CIBAR2: variants seen among roughly 807,000 people sequenced by gnomAD.
CIBAR2 encodes the protein CBY1 interacting BAR domain containing 2.
A neutral mutation model predicts 36.2 loss-of-function variants in CIBAR2; 38 were observed. That is an observed-to-expected ratio of 1.05 (90% CI 0.81 to 1.38). CIBAR2 has a LOEUF of 1.38. Ranked by LOEUF, CIBAR2 falls within the 40% of genes most tolerant of loss-of-function variation. The pLI is 0.00. For synonymous variants in CIBAR2, 182 were observed against 149.5 expected, an observed-to-expected ratio of 1.22 and a Z score of -1.58; for missense variants, 481 against 383.4, an observed-to-expected ratio of 1.25 and a Z score of -2.13.
chr16:85,108,696 A>G (rs2074017273), intron 2 of CIBAR2, among the ~76,000 whole-genome samples: 1 of 152,078 alleles, frequency 6.6e-6, no homozygotes, highest in South Asian at 2.1e-4. Flanking sequence ...AACATGGTGA[A>G]ACCCCGTCTC....
In CIBAR2 at chr16:85,100,725, A is replaced by G. The variant is rs780696654; in HGVS notation, c.652-485T>C. 6.6e-5 allele frequency among the ~76,000 whole-genome samples: 10 copies of G among 152,260 alleles called. No homozygotes were observed. In the East Asian group the frequency reaches 1.9e-3, roughly 29 times the overall value. On this transcript the variant is annotated intron_variant, in intron 7 of 8. Coordinates refer to ENST00000539556, the MANE Select transcript of CIBAR2 (RefSeq NM_198491.3). ...AACAAATGGAATATGGCAAAGCCAC[A>G]CTGGGTTACTGCTGAAGTTAGGTCA...
chr16:85,111,772 C>A (rs57979370), intron 1 of CIBAR2, among the ~76,000 whole-genome samples: 41,010 of 152,160 alleles, frequency 0.27, 5,945 homozygotes, highest in African/African-American at 0.38. Flanking sequence ...TGAGCCCAGG[C>A]GATGGAGGTT....
chr16:85,110,919 G>T (rs1250540660), intron 1 of CIBAR2, among the ~76,000 whole-genome samples: 2 of 152,088 alleles, frequency 1.3e-5, no homozygotes, highest in East Asian at 1.9e-4. Context: ...TGGCCAGGCT[G>T]GTCTTGAACT....
intron 8 of CIBAR2, among the ~76,000 whole-genome samples, chr16:85,099,797 C>CTTT (rs71386075): frequency 4.5e-4 from 35 of 77,466 alleles, no homozygotes; most frequent in Non-Finnish European, 6.6e-4. Flanking sequence ...CTAATTTTTG[C>CTTT]TTTTTTTTTT....
chr16:85,106,130 C>G (rs1352097183), intron 5 of CIBAR2, among the ~76,000 whole-genome samples: 1 of 152,212 alleles, frequency 6.6e-6, no homozygotes, highest in Non-Finnish European at 1.5e-5. Flanking sequence ...AAATAAATGG[C>G]TGCAGAGACG....
At chr16:85,101,817 C>T (rs967722418) in intron 7 of CIBAR2, among the ~76,000 whole-genome samples, 5 of 151,904 alleles carry the variant, frequency 3.3e-5, no homozygotes, top group Admixed American at 3.3e-4. Flanking sequence ...TTGCAGGTGC[C>T]CACCACCACG....
At chr16:85,107,157 G>C (rs191898538) in intron 5 of CIBAR2, among the ~76,000 whole-genome samples, 1 of 145,474 alleles carries the variant, frequency 6.9e-6, no homozygotes, top group East Asian at 2.0e-4. Context: ...TCAAAAAAAA[G>C]GGGGGGGGCA....
intron 5 of CIBAR2, among the ~76,000 whole-genome samples, chr16:85,105,866 GACGCTT>G (rs1190164130): frequency 6.6e-6 from 1 of 152,166 alleles, no homozygotes; most frequent in African/African-American, 2.4e-5. Flanking sequence ...AACATCTATA[GACGCTT>G]ACTCCATGCC....
At chr16:85,100,103 T>G in intron 8 of CIBAR2, 36 bp downstream of exon 8, 1 of 1,535,930 alleles carries the variant, frequency 6.5e-7, no homozygotes, top group Non-Finnish European at 8.9e-7. Flanking sequence ...GTGCACGACA[T>G]TTTAGGTGTA....
rs1381503733 is a variant in CIBAR2, at chr16:85,107,607, T to C, written c.432+60A>G. 4 of 1,588,346 alleles carry C rather than the reference T, an allele frequency of 2.5e-6. No individual in the cohort carries two copies. The Admixed American group carries it at 6.7e-5, about 26-fold the overall frequency. On this transcript the variant is annotated intron_variant, in intron 5 of 8. Transcript: ENST00000539556. ...AGGTAAAGTCTACCTGGCCGTTTTG[T>C]GAGGTCGTGTATTTCCTACGTGTGA...
Position 85,112,015 on chromosome 16 carries a change from C to A in CIBAR2, c.20+318G>T, listed in dbSNP as rs183815193. On this transcript the variant is annotated intron_variant, in intron 1 of 8. Coordinates refer to ENST00000539556, the MANE Select transcript of CIBAR2 (RefSeq NM_198491.3). Reference sequence around the variant, plus strand: ...ACTGGGTCCCCACAGAAGGGGGAGGCCTGGTTGGGGTTGAGGTGTGATGGG... The same window carrying A: ...ACTGGGTCCCCACAGAAGGGGGAGGACTGGTTGGGGTTGAGGTGTGATGGG... Among the ~76,000 whole-genome samples, 121 of 152,158 alleles carry A rather than the reference C, an allele frequency of 8.0e-4. 1 individual carries two copies. Among genetic ancestry groups the A allele is most frequent in the African/African-American group, 2.8e-3 (117 of 41,506 alleles).
chr16:85,109,349 G>C (rs552461297), intron 2 of CIBAR2, among the ~76,000 whole-genome samples: 6 of 152,116 alleles, frequency 3.9e-5, no homozygotes, highest in Non-Finnish European at 8.8e-5. Context: ...GGTTGTCAAG[G>C]CCTCTTACTG....
chr16:85,110,437 T>A lies in CIBAR2; in HGVS notation c.44A>T (p.Glu15Val). Residue 15 changes from glutamate to valine, a missense_variant, in exon 2 of 9, where the codon GAG (glutamate) becomes GTG (valine). By Grantham distance (121) the Glu-to-Val change is moderately radical (BLOSUM62 -2). Transcript: ENST00000539556. ...CTTCTCGGTGTTGGCCACGGTATTC[T>A]CCATCACCCTCACCTGGCTGTCCCT... ...FSRDSQVRVM[E>V]NTVANTEKYF... is the part of the protein sequence containing the mutation. 6.2e-7 allele frequency: 1 copy of A among 1,605,120 alleles called. No individual in the cohort carries two copies. The highest frequency in any genetic ancestry group is 1.7e-5 in the Admixed American group (1 of 58,914).
intron 2 of CIBAR2, 93 bp downstream of exon 2, chr16:85,110,133 G>A: frequency 1.1e-6 from 1 of 938,798 alleles, no homozygotes; most frequent in South Asian, 1.6e-5. Context: ...ATTGGCTGTG[G>A]CCACAGCAGG....
intron 5 of CIBAR2, among the ~76,000 whole-genome samples, 168 bp from the exon 6 acceptor site, chr16:85,105,599 G>A (rs976074583): frequency 5.9e-5 from 9 of 152,302 alleles, no homozygotes; most frequent in African/African-American, 1.7e-4. Context: ...GTAGGACCCC[G>A]GCTGAAGGAG....
intron 6 of CIBAR2, among the ~76,000 whole-genome samples, chr16:85,104,684 C>G (rs1287957185): frequency 2.0e-5 from 3 of 152,082 alleles, no homozygotes; most frequent in East Asian, 3.9e-4. Flanking sequence ...CCATTGCACT[C>G]CAGCCTGGGC....
intron 2 of CIBAR2, among the ~76,000 whole-genome samples, chr16:85,109,414 G>A (rs2074023196): frequency 2.0e-5 from 3 of 152,192 alleles, no homozygotes; most frequent in Admixed American, 6.5e-5. Flanking sequence ...GTGTCTGCCT[G>A]CCTGGAGAAG....
intron 7 of CIBAR2, 84 bp downstream of exon 7, chr16:85,102,130 A>G (rs1012329493): frequency 1.3e-6 from 1 of 771,494 alleles, no homozygotes. Flanking sequence ...AATGTTACCA[A>G]CAAAAACGAC....
chr16:85,099,695 C>T (rs1299724901), intron 8 of CIBAR2, among the ~76,000 whole-genome samples: 1 of 151,232 alleles, frequency 6.6e-6, no homozygotes, highest in Non-Finnish European at 1.5e-5. Context: ...ACGATCTCGG[C>T]TCACTGCAAC....
Sources: allele counts gnomAD v4.1 joint callset (sites outside exome capture counted in the v4.1 genomes callset), GRCh38; gene constraint gnomAD v4.1.1; transcripts MANE v1.5; gene names NCBI Gene and HGNC (gene_info 2026-07-23, HGNC 2026-07-21).